PAK5: variants seen among roughly 807,000 people sequenced by gnomAD.
The protein encoded by PAK5 is p21 (RAC1) activated kinase 5.
PAK5 carries 16 observed loss-of-function variants against 65.9 expected under a neutral mutation model. That is an observed-to-expected ratio of 0.24 (90% confidence interval 0.16 to 0.37). The LOEUF (loss-of-function observed/expected upper bound fraction) is 0.37, where lower values mean the gene tolerates loss of function less well. Among genes scored for constraint, PAK5 ranks in the 10% least tolerant of loss-of-function variants. PAK5 has a pLI of 1.00. For missense variants in PAK5, 785 were observed against 903.9 expected (o/e 0.87, Z 1.69); for synonymous variants, 371 against 354.9 (o/e 1.05, Z -0.51).
intron 1 of PAK5, among the ~76,000 whole-genome samples, chr20:9,811,694 C>T (rs1482704121): frequency 1.3e-5 from 2 of 152,146 alleles, no homozygotes; most frequent in Non-Finnish European, 2.9e-5. Flanking sequence ...CACTTGAATA[C>T]ATGTATTCTT....
intron 1 of PAK5, among the ~76,000 whole-genome samples, chr20:9,798,068 C>G (rs2049125869): frequency 6.6e-6 from 1 of 152,092 alleles, no homozygotes; most frequent in African/African-American, 2.4e-5. Flanking sequence ...ACTAAGAACT[C>G]TGTTAGACTG....
At chr20:9,681,630 AC>A (rs1239267616) in intron 2 of PAK5, among the ~76,000 whole-genome samples, 2 of 152,142 alleles carry the variant, frequency 1.3e-5, no homozygotes, top group African/African-American at 2.4e-5. Context: ...TAAGCTTACT[AC>A]TTCCTGTTCA....
At chr20:9,704,937 C>T (rs1205293676) in intron 2 of PAK5, among the ~76,000 whole-genome samples, 8 of 152,178 alleles carry the variant, frequency 5.3e-5, no homozygotes, top group Non-Finnish European at 8.8e-5. Flanking sequence ...ACCTGCCCTG[C>T]TACCTTCTCT....
At chr20:9,606,098 C>T (rs758135175) in intron 3 of PAK5, among the ~76,000 whole-genome samples, 17 of 152,096 alleles carry the variant, frequency 1.1e-4, no homozygotes, top group Non-Finnish European at 2.2e-4. Context: ...CGGTAGGGCC[C>T]GGTGGGAGGT....
rs1555897686 is a variant in PAK5 at position 9,571,881 on chromosome 20, G to GC, written c.991-5498_991-5497insG. On this transcript the variant is annotated intron_variant, in intron 4 of 9. Transcript: ENST00000353224. The stretch of plus-strand genomic sequence containing the variant: ...AGAGATAGGCATGAATGATGGGGGG[G>GC]GGGGATGTGGTCTTAACAGGGGCGG... Among the ~76,000 whole-genome samples, 4 of 143,714 alleles carry GC rather than the reference G, an allele frequency of 2.8e-5. No homozygotes were observed. The East Asian group carries it at 6.4e-4, about 23-fold the overall frequency. 94.3% of individuals were successfully genotyped at this position (143,714 alleles called of 152,430 possible).
At chr20:9,664,630 C>T (rs940673329) in intron 2 of PAK5, among the ~76,000 whole-genome samples, 3 of 152,284 alleles carry the variant, frequency 2.0e-5, no homozygotes. Context: ...TTTGCTGCTG[C>T]TGTGGTTTTT....
At chr20:9,736,374 T>A (rs1474127565) in intron 1 of PAK5, among the ~76,000 whole-genome samples, 1 of 152,188 alleles carries the variant, frequency 6.6e-6, no homozygotes, top group South Asian at 2.1e-4. Context: ...AATGGTTGAA[T>A]AAATTTCCAA....
At chr20:9,549,715 G>T (rs2045398163) in intron 7 of PAK5, among the ~76,000 whole-genome samples, 1 of 152,126 alleles carries the variant, frequency 6.6e-6, no homozygotes, top group Non-Finnish European at 1.5e-5. Flanking sequence ...TAATTAGACA[G>T]CTACAGGTCA....
intron 3 of PAK5, among the ~76,000 whole-genome samples, chr20:9,591,907 G>C (rs570679063): frequency 6.6e-6 from 1 of 152,240 alleles, no homozygotes; most frequent in Non-Finnish European, 1.5e-5. Context: ...CATAATAAAT[G>C]TTAAGAAACT....
chr20:9,745,773 A>T (rs1050947546), intron 1 of PAK5, among the ~76,000 whole-genome samples: 3 of 152,106 alleles, frequency 2.0e-5, no homozygotes, highest in Non-Finnish European at 4.4e-5. Context: ...GTAACGTTTT[A>T]AATGAATGAA....
intron 2 of PAK5, among the ~76,000 whole-genome samples, chr20:9,682,113 T>G (rs2123405604): frequency 6.6e-6 from 1 of 152,294 alleles, no homozygotes; most frequent in African/African-American, 2.4e-5. Flanking sequence ...ATCCCAGCAC[T>G]TTGGGAAGCT....
intron 3 of PAK5, among the ~76,000 whole-genome samples, chr20:9,610,885 G>T (rs755477569): frequency 1.7e-4 from 26 of 152,178 alleles, no homozygotes; most frequent in Non-Finnish European, 2.9e-5. Flanking sequence ...GGAGCTAGGT[G>T]GGCCCATTTC....
intron 4 of PAK5, chr20:9,575,739 C>T (rs1240350323): frequency 6.6e-6 from 1 of 152,176 alleles, no homozygotes; most frequent in African/African-American, 2.4e-5. Context: ...TCTTCACCAG[C>T]AAGGTGAGGC....
At chr20:9,612,664 C>T (rs2046584854) in intron 3 of PAK5, among the ~76,000 whole-genome samples, 1 of 152,060 alleles carries the variant, frequency 6.6e-6, no homozygotes, top group Non-Finnish European at 1.5e-5. Flanking sequence ...CCCACCAGGC[C>T]CAGGCTCCAA....
At chr20:9,745,977 A>G (rs1262727980) in intron 1 of PAK5, among the ~76,000 whole-genome samples, 1 of 152,152 alleles carries the variant, frequency 6.6e-6, no homozygotes, top group Non-Finnish European at 1.5e-5. Flanking sequence ...TAATCAAGAG[A>G]GGATATGCAT....
At chr20:9,828,497 A>C (rs1978455862) in intron 1 of PAK5, among the ~76,000 whole-genome samples, 1 of 152,182 alleles carries the variant, frequency 6.6e-6, no homozygotes, top group African/African-American at 2.4e-5. Context: ...TTCCTACTTT[A>C]GAGGAAGAAT....
intron 1 of PAK5, among the ~76,000 whole-genome samples, chr20:9,712,969 G>A (rs1414440431): frequency 2.0e-5 from 3 of 151,862 alleles, no homozygotes; most frequent in African/African-American, 7.3e-5. Flanking sequence ...AAAGATTTTT[G>A]GGGTAAGACC....
Position 9,537,480 on chromosome 20 carries a change from A to G in PAK5, c.*1982T>C. ...TTTTAAGCTACAGTAACTTTTGGTA[A>G]ACTCAATGAATACTTTAAAAAATAC... On this transcript the variant is annotated 3_prime_UTR_variant, in exon 10 of 10. Transcript: ENST00000353224. The G allele has an allele frequency of 4.7e-6, 1 of 211,870 alleles. No individual in the cohort carries two copies. Among genetic ancestry groups the G allele is most frequent in the Non-Finnish European group, 9.6e-6 (1 of 104,168 alleles). The allele number at this position is 211,870 out of a possible 1,614,324, so 13.1% of individuals were successfully genotyped here.
chr20:9,811,172 C>T (rs989755019), intron 1 of PAK5, among the ~76,000 whole-genome samples: 1 of 152,044 alleles, frequency 6.6e-6, no homozygotes, highest in African/African-American at 2.4e-5. Flanking sequence ...AAGTACTGGC[C>T]AATGATCCCC....
Sources: allele counts gnomAD v4.1 joint callset (sites outside exome capture counted in the v4.1 genomes callset), GRCh38; gene constraint gnomAD v4.1.1; transcripts MANE v1.5; gene names NCBI Gene and HGNC (gene_info 2026-07-23, HGNC 2026-07-21).